Variants in AR observed in about 807,000 individuals in gnomAD.
The protein encoded by AR is dihydrotestosterone receptor.
AR carries 8 observed loss-of-function variants against 53.9 expected under a neutral mutation model. The ratio of observed to expected loss-of-function variants is 0.15; its 90% confidence interval spans 0.09 to 0.27. AR has a LOEUF of 0.27. AR is among the 10% of genes least tolerant of loss of function. The pLI is 1.00. For missense variants in AR, 639 were observed against 742.5 expected (o/e 0.86, Z 1.62); for synonymous variants, 359 against 316.4 (o/e 1.13, Z -1.43).
At position 67,635,399 on chromosome X, in the gene AR, A is replaced by G. The variant is rs147971385; in HGVS notation, c.1617-7857A>G. Among the ~76,000 whole-genome samples the G allele has an allele frequency of 6.7e-3, 751 of 111,593 alleles. 7 individuals are homozygous for G. The highest frequency in any genetic ancestry group is 0.023 in the African/African-American group (721 of 30,708). On this transcript the variant is annotated intron_variant, in intron 1 of 7. Transcript: ENST00000374690. ...GGCTCCAAATCCTTGTTGGGTTGCCATTCCTCTTGCTAACAAATAAAACTG... is the reference window on the plus strand; with the variant it reads ...GGCTCCAAATCCTTGTTGGGTTGCCGTTCCTCTTGCTAACAAATAAAACTG...
intron 2 of AR, among the ~76,000 whole-genome samples, chrX:67,661,382 C>G (rs764260398): frequency 9.0e-6 from 1 of 111,117 alleles, no homozygotes; most frequent in Admixed American, 9.6e-5. Context: ...TTTTGAGATA[C>G]GTCCCATCAA....
chrX:67,627,532 C>G (rs972306189), intron 1 of AR, among the ~76,000 whole-genome samples: 2 of 110,510 alleles, frequency 1.8e-5, no homozygotes, highest in African/African-American at 6.6e-5. Flanking sequence ...TGGATATTAG[C>G]CCTTTGTCAG....
intron 5 of AR, among the ~76,000 whole-genome samples, chrX:67,721,623 G>T (rs1418954356): frequency 9.0e-6 from 1 of 111,326 alleles, no homozygotes; most frequent in African/African-American, 3.3e-5. Flanking sequence ...AGTTATCAGG[G>T]TGTCAGGATT....
intron 1 of AR, among the ~76,000 whole-genome samples, chrX:67,571,784 G>C (rs1220514530): frequency 1.8e-5 from 2 of 109,840 alleles, no homozygotes; most frequent in African/African-American, 6.6e-5. Context: ...TGATAAAACA[G>C]GCTCTTTTGA....
chrX:67,679,310 T>C (rs1263003235), intron 2 of AR, among the ~76,000 whole-genome samples: 1 of 111,555 alleles, frequency 9.0e-6, no homozygotes, highest in Non-Finnish European at 1.9e-5. Context: ...ATATTGTGAA[T>C]ATACTTCCAA....
intron 1 of AR, among the ~76,000 whole-genome samples, chrX:67,606,565 C>G (rs1923633894): frequency 8.9e-6 from 1 of 111,996 alleles, no homozygotes; most frequent in Admixed American, 9.5e-5. Context: ...AAACTTTTTA[C>G]CCTTTGAAGA....
At chrX:67,574,686 G>T (rs183339160) in intron 1 of AR, among the ~76,000 whole-genome samples, 94 of 111,552 alleles carry the variant, frequency 8.4e-4, no homozygotes, top group African/African-American at 3.0e-3. Context: ...TCTTTCAATT[G>T]CTCCTTAGGC....
chrX:67,560,627 C>G (rs1486216768), intron 1 of AR, among the ~76,000 whole-genome samples: 1 of 111,661 alleles, frequency 9.0e-6, no homozygotes, highest in Non-Finnish European at 1.9e-5. Context: ...TGTTCAAGTC[C>G]TTTTATGATC....
In AR at chrX:67,544,446, C is replaced by A. The variant is rs1215735166; in HGVS notation, c.-701C>A. 3 of 118,591 alleles carry A rather than the reference C, an allele frequency of 2.5e-5. No homozygotes were observed. Among genetic ancestry groups the A allele is most frequent in the East Asian group, 2.6e-4 (2 of 7,714 alleles). 9.8% of individuals were successfully genotyped at this position (118,591 alleles called of 1,213,427 possible). On this transcript the variant is annotated 5_prime_UTR_variant, in exon 1 of 8. Coordinates refer to ENST00000374690, the MANE Select transcript of AR (RefSeq NM_000044.6). ...CCAACCCCCCTCACCACCCTTCTCC[C>A]CACCCGCCCCCCCGCCCCCGTCGGC... is the stretch of plus-strand genomic sequence containing the variant.
At chrX:67,659,011 TC>T (rs1016708457) in intron 2 of AR, among the ~76,000 whole-genome samples, 5 of 111,152 alleles carry the variant, frequency 4.5e-5, no homozygotes, top group African/African-American at 1.3e-4. Context: ...GATTGTGGCT[TC>T]CAGATGATCA....
intron 1 of AR, among the ~76,000 whole-genome samples, chrX:67,634,624 G>C (rs745668790): frequency 9.9e-5 from 11 of 111,456 alleles, no homozygotes; most frequent in Non-Finnish European, 1.9e-4. Flanking sequence ...ACTTTTAATA[G>C]TAAACATTGC....
intron 2 of AR, among the ~76,000 whole-genome samples, chrX:67,669,107 C>T (rs182197929): frequency 2.7e-5 from 3 of 110,391 alleles, no homozygotes; most frequent in African/African-American, 9.8e-5. Context: ...TTGGTTTGCT[C>T]TTGCTTTTCC....
chrX:67,644,196 C>G (rs1384015658), intron 2 of AR, among the ~76,000 whole-genome samples: 1 of 111,948 alleles, frequency 8.9e-6, no homozygotes, highest in Admixed American at 9.5e-5. Context: ...CTCTTATATA[C>G]GGTAATGTCT....
Position 67,723,913 on chromosome X carries a change from G to A in AR, c.*72G>A, listed in dbSNP as rs1240802157. 1.7e-6 allele frequency: 2 copies of A among 1,144,602 alleles called. No individual in the cohort carries two copies. The highest frequency in any genetic ancestry group is 2.4e-6 in the Non-Finnish European group (2 of 844,226). The allele number at this position is 1,144,602 out of a possible 1,213,427, so 94.3% of individuals were successfully genotyped here. A position where few individuals can be genotyped will look rare whatever the true frequency, so the allele number is the denominator to read the frequency against. ...GATGTCTTCTGCCTGTTATAACTCT[G>A]CACTACTCCTCTGCAGTGCCTTGGG... On this transcript the variant is annotated 3_prime_UTR_variant, in exon 8 of 8. Transcript: ENST00000374690.
intron 1 of AR, among the ~76,000 whole-genome samples, chrX:67,631,310 C>G (rs1334514592): frequency 9.0e-6 from 1 of 111,542 alleles, no homozygotes; most frequent in Non-Finnish European, 1.9e-5. Context: ...TTCCCATAGT[C>G]CCATATTTCT....
At chrX:67,553,074 A>G (rs1036071893) in intron 1 of AR, among the ~76,000 whole-genome samples, 17 of 111,362 alleles carry the variant, frequency 1.5e-4, no homozygotes, top group African/African-American at 2.6e-4. Flanking sequence ...ATGAAGTCCA[A>G]TTCATCTATT....
chrX:67,664,032 T>C (rs893120042), intron 2 of AR, among the ~76,000 whole-genome samples: 5 of 111,884 alleles, frequency 4.5e-5, no homozygotes, highest in Non-Finnish European at 9.4e-5. Context: ...TAATTTTTTT[T>C]CAAGGTTTTT....
At chrX:67,687,881 C>A (rs778665883) in intron 3 of AR, among the ~76,000 whole-genome samples, 3 of 112,202 alleles carry the variant, frequency 2.7e-5, no homozygotes, top group Non-Finnish European at 5.6e-5. Context: ...AATTCCATGT[C>A]TCAGCCAACA....
chrX:67,562,966 T>C lies in AR; in HGVS notation c.1616+16204T>C, dbSNP rs760389190. On this transcript the variant is annotated intron_variant, in intron 1 of 7. Coordinates refer to ENST00000374690, the MANE Select transcript of AR (RefSeq NM_000044.6). ...TTCTTCTAATTCACCACACCATATC[T>C]GTCTATCTATTGGCTGAATCACATA... 8.9e-5 allele frequency among the ~76,000 whole-genome samples: 10 copies of C among 112,312 alleles called. No homozygotes were observed. In the South Asian group the frequency reaches 2.9e-3, roughly 33 times the overall value.
Sources: allele counts gnomAD v4.1 joint callset (sites outside exome capture counted in the v4.1 genomes callset), GRCh38; gene constraint gnomAD v4.1.1; transcripts MANE v1.5; gene names NCBI Gene and HGNC (gene_info 2026-07-23, HGNC 2026-07-21).